Variants in LDAH observed in about 807,000 individuals in gnomAD.
The protein encoded by LDAH is lipid droplet associated hydrolase.
Under a neutral mutation model 29.6 loss-of-function variants are expected in LDAH, and 26 were observed. The ratio of observed to expected loss-of-function variants is 0.88; its 90% CI spans 0.64 to 1.22. The LOEUF is 1.22. Ranked by LOEUF, LDAH falls within the 50% of genes most tolerant of loss-of-function variation. The pLI, the probability that LDAH is intolerant of heterozygous loss-of-function variation, is 0.00. For synonymous variants in LDAH, 117 were observed against 133.0 expected, an observed-to-expected ratio of 0.88 and a Z score of 0.83; for missense variants, 344 against 387.3, an observed-to-expected ratio of 0.89 and a Z score of 0.94.
intron 1 of LDAH, among the ~76,000 whole-genome samples, chr2:20,803,430 C>T (rs1671859312): frequency 6.6e-6 from 1 of 152,210 alleles, no homozygotes; most frequent in South Asian, 2.1e-4. Flanking sequence ...TTCCACACAG[C>T]AGCTTGGTAT....
At chr2:20,769,828 T>C (rs1375682771) in intron 4 of LDAH, among the ~76,000 whole-genome samples, 5 of 152,156 alleles carry the variant, frequency 3.3e-5, no homozygotes, top group African/African-American at 4.8e-5. Context: ...ATTTAGGACC[T>C]GTTCATTCCT....
Position 20,685,447 on chromosome 2 carries a change from A to G in LDAH, c.*1456T>C. ...ATCTATTAGCTCTTCCCCTTGGGCT[A>G]ACAGCACTCCTTGTCTGGAGCTTGG... On this transcript the variant is annotated 3_prime_UTR_variant, in exon 7 of 7. Transcript: ENST00000237822. The G allele has an allele frequency of 6.8e-7, 1 of 1,460,746 alleles. No homozygotes were observed. The allele number at this position is 1,460,746 out of a possible 1,614,324, so 90.5% of individuals were successfully genotyped here. A position where few individuals can be genotyped will look rare whatever the true frequency, so the allele number is the denominator to read the frequency against.
At position 20,685,399 on chromosome 2, in the gene LDAH, A is replaced by T; in HGVS notation, c.*1504T>A. ...AGATGCCAATAAAGGATCTGTGTACAGCCCTGTGCTTACGGCCTATGTATC... is the reference window on the plus strand; with the variant it reads ...AGATGCCAATAAAGGATCTGTGTACTGCCCTGTGCTTACGGCCTATGTATC... On this transcript the variant is annotated 3_prime_UTR_variant, in exon 7 of 7. Transcript: ENST00000237822. 1 of 975,952 alleles carries T rather than the reference A, an allele frequency of 1.0e-6. No homozygotes were observed. The highest frequency in any genetic ancestry group is 1.5e-6 in the Non-Finnish European group (1 of 680,640). 60.5% of individuals were successfully genotyped at this position (975,952 alleles called of 1,614,324 possible).
At chr2:20,738,253 A>AAATAATAATAAT (rs3047714) in intron 5 of LDAH, among the ~76,000 whole-genome samples, 4,630 of 141,728 alleles carry the variant, frequency 0.033, 121 homozygotes, top group African/African-American at 0.07. Flanking sequence ...TTCCATCTCA[A>AAATAATAATAAT]AATAATAATA....
At chr2:20,789,432 A>AT in intron 3 of LDAH, 2 of 1,443,736 alleles carry the variant, frequency 1.4e-6, no homozygotes, top group Non-Finnish European at 1.8e-6. Context: ...TGAGAAATCA[A>AT]TTTCCATTTT....
At chr2:20,719,051 A>G (rs990647515) in intron 5 of LDAH, among the ~76,000 whole-genome samples, 5 of 152,006 alleles carry the variant, frequency 3.3e-5, no homozygotes, top group African/African-American at 1.2e-4. Flanking sequence ...ATAAATGCCT[A>G]TGTCAAAAAA....
intron 6 of LDAH, among the ~76,000 whole-genome samples, chr2:20,694,615 A>G (rs1258880358): frequency 6.6e-6 from 1 of 152,174 alleles, no homozygotes; most frequent in African/African-American, 2.4e-5. Context: ...ATCTCCAAAG[A>G]TTTTTAAAAA....
intron 6 of LDAH, among the ~76,000 whole-genome samples, chr2:20,696,752 C>G (rs1187430082): frequency 1.3e-5 from 2 of 152,190 alleles, no homozygotes; most frequent in South Asian, 2.1e-4. Flanking sequence ...CTCTGACACA[C>G]CAGGTGCCTC....
intron 6 of LDAH, among the ~76,000 whole-genome samples, chr2:20,701,368 A>T (rs1663919073): frequency 6.6e-6 from 1 of 152,182 alleles, no homozygotes; most frequent in Non-Finnish European, 1.5e-5. Context: ...AACAGGTGAT[A>T]AAAAAATAAG....
At chr2:20,722,310 G>C (rs1335636469) in intron 5 of LDAH, among the ~76,000 whole-genome samples, 1 of 149,978 alleles carries the variant, frequency 6.7e-6, no homozygotes, top group African/African-American at 2.5e-5. Flanking sequence ...AACCCGGGAG[G>C]CAGAGTTTGC....
chr2:20,752,710 C>T (rs1488282536), intron 4 of LDAH, among the ~76,000 whole-genome samples: 1 of 152,242 alleles, frequency 6.6e-6, no homozygotes, highest in African/African-American at 2.4e-5. Flanking sequence ...AAAATTTACT[C>T]TCTGGCAGTT....
intron 4 of LDAH, among the ~76,000 whole-genome samples, chr2:20,757,846 G>A (rs1180701513): frequency 6.6e-6 from 1 of 151,922 alleles, no homozygotes; most frequent in East Asian, 1.9e-4. Flanking sequence ...CCTGGGTCCT[G>A]AGGCTGCCAG....
intron 4 of LDAH, among the ~76,000 whole-genome samples, chr2:20,770,618 C>G (rs546311679): frequency 2.6e-5 from 4 of 152,122 alleles, no homozygotes; most frequent in Admixed American, 2.0e-4. Context: ...ATTCTCCCCC[C>G]ACCCCAACAC....
downstream of LDAH, among the ~76,000 whole-genome samples, chr2:20,683,541 AATCGACTGTTAGAAC>A (rs1433434261): frequency 1.3e-5 from 2 of 152,222 alleles, no homozygotes; most frequent in Non-Finnish European, 2.9e-5. Context: ...ATCTTTTCTA[AATCGACTGTTAGAAC>A]ATCCTGGGCT....
At chr2:20,696,806 T>C (rs936754064) in intron 6 of LDAH, among the ~76,000 whole-genome samples, 2 of 152,148 alleles carry the variant, frequency 1.3e-5, no homozygotes, top group Non-Finnish European at 2.9e-5. Flanking sequence ...AAACTGGGAT[T>C]GGGGTGGCGA....
chr2:20,765,564 G>A (rs1307161524), intron 4 of LDAH, among the ~76,000 whole-genome samples: 1 of 152,118 alleles, frequency 6.6e-6, no homozygotes, highest in Non-Finnish European at 1.5e-5. Flanking sequence ...ACAATTCTGT[G>A]GGTCAGGAAT....
chr2:20,751,855 C>T (rs190593414), intron 4 of LDAH, among the ~76,000 whole-genome samples: 76 of 152,212 alleles, frequency 5.0e-4, no homozygotes, highest in African/African-American at 1.3e-3. Context: ...AAAAGAAACA[C>T]GCAGTAAACA....
intron 3 of LDAH, among the ~76,000 whole-genome samples, chr2:20,778,279 A>G (rs543062158): frequency 1.3e-5 from 2 of 152,310 alleles, no homozygotes; most frequent in East Asian, 3.9e-4. Flanking sequence ...TCTCTATTAG[A>G]TATCACTTCA....
intron 4 of LDAH, among the ~76,000 whole-genome samples, chr2:20,741,646 C>T (rs1667184736): frequency 6.6e-6 from 1 of 152,210 alleles, no homozygotes; most frequent in South Asian, 2.1e-4. Context: ...CCACCCCAGA[C>T]TCTAGTAACC....
Sources: allele counts gnomAD v4.1 joint callset (sites outside exome capture counted in the v4.1 genomes callset), GRCh38; gene constraint gnomAD v4.1.1; transcripts MANE v1.5; gene names NCBI Gene and HGNC (gene_info 2026-07-23, HGNC 2026-07-21).